MCUR1: variants seen among roughly 807,000 people sequenced by gnomAD.
MCUR1 encodes MCU regulator 1.
A neutral mutation model predicts 42.0 loss-of-function variants in MCUR1; 37 were observed. The ratio of observed to expected loss-of-function variants is 0.88; its 90% CI spans 0.68 to 1.16. The LOEUF is 1.16. MCUR1 is among the 50% of genes most tolerant of loss of function. The pLI, the probability that MCUR1 is intolerant of heterozygous loss-of-function variation, is 0.00. For missense variants in MCUR1, 469 were observed against 468.4 expected (o/e 1.00, Z -0.01); for synonymous variants, 229 against 196.2 (o/e 1.17, Z -1.40).
intron 1 of MCUR1, among the ~76,000 whole-genome samples, chr6:13,811,341 A>ATT (rs1024492460): frequency 6.8e-6 from 1 of 147,424 alleles, no homozygotes; most frequent in Non-Finnish European, 1.5e-5. Flanking sequence ...GCTAGGAATA[A>ATT]TTTTTTTTTT....
intron 6 of MCUR1, among the ~76,000 whole-genome samples, chr6:13,796,436 C>A (rs557093266): frequency 3.7e-4 from 56 of 151,960 alleles, no homozygotes; most frequent in African/African-American, 1.3e-3. Flanking sequence ...TACAGGTGGG[C>A]CATCACGCTG....
intron 8 of MCUR1, 127 bp from the exon 9 acceptor site, chr6:13,790,991 C>A (rs1759718367): frequency 3.3e-6 from 2 of 605,226 alleles, no homozygotes; most frequent in Non-Finnish European, 5.8e-6. Flanking sequence ...GTCCCATATT[C>A]CGTGAAACGC....
chr6:13,795,841 T>C (rs1006626763), intron 6 of MCUR1, among the ~76,000 whole-genome samples: 1 of 151,902 alleles, frequency 6.6e-6, no homozygotes, highest in African/African-American at 2.4e-5. Flanking sequence ...CTAAATAACG[T>C]CTTCATGTAA....
At chr6:13,802,447 C>G (rs1041506553) in intron 2 of MCUR1, 101 bp from the exon 3 acceptor site, 6 of 898,472 alleles carry the variant, frequency 6.7e-6, no homozygotes, top group Non-Finnish European at 8.9e-6. Context: ...AGGAAGAGTA[C>G]AGCACAGTGT....
In MCUR1 at chr6:13,800,334, A is replaced by C. The variant is rs1275409767; in HGVS notation, c.783+7T>G. Reference sequence around the variant, plus strand: ...AACCAGCCAACAAACAGGAAAGTGAATCTTACCATTACTTGTTGTTTTAAC... The same window carrying C: ...AACCAGCCAACAAACAGGAAAGTGACTCTTACCATTACTTGTTGTTTTAAC... On this transcript the variant is annotated splice_region_variant and intron_variant, in intron 5 of 8. Transcript: ENST00000379170. 1.3e-6 allele frequency: 2 copies of C among 1,562,546 alleles called. No homozygotes were observed. The highest frequency in any genetic ancestry group is 3.7e-5 in the Admixed American group (2 of 54,414).
At chr6:13,797,537 T>C (rs555756734) in intron 6 of MCUR1, among the ~76,000 whole-genome samples, 1 of 151,230 alleles carries the variant, frequency 6.6e-6, no homozygotes, top group African/African-American at 2.4e-5. Flanking sequence ...TGAAACCCCG[T>C]CTCTACTAAA....
Position 13,803,683 on chromosome 6 carries a change from A to G in MCUR1, c.536-1337T>C, listed in dbSNP as rs574736040. 7.0e-5 allele frequency: 48 copies of G among 689,018 alleles called. No homozygotes were observed. The African/African-American group carries it at 2.3e-3, about 33-fold the overall frequency. 42.7% of individuals were successfully genotyped at this position (689,018 alleles called of 1,614,324 possible). On this transcript the variant is annotated intron_variant, in intron 2 of 8. Coordinates refer to ENST00000379170, the MANE Select transcript of MCUR1 (RefSeq NM_001031713.4). ...TTTCGTCAAAATTCTTTAATTTTTC[A>G]ACATGTTATACACATGTCTAGAAAA...
intron 1 of MCUR1, among the ~76,000 whole-genome samples, chr6:13,811,288 T>C (rs763547271): frequency 9.9e-5 from 15 of 152,162 alleles, no homozygotes; most frequent in Non-Finnish European, 1.8e-4. Flanking sequence ...GTCTTGCTCA[T>C]TTTTTATCTT....
At chr6:13,801,562 A>G (rs941056078) in intron 3 of MCUR1, among the ~76,000 whole-genome samples, 173 bp from the exon 4 acceptor site, 1 of 152,158 alleles carries the variant, frequency 6.6e-6, no homozygotes, top group African/African-American at 2.4e-5. Flanking sequence ...AAAACAACAC[A>G]TATCTGGCCA....
At position 13,788,002 on chromosome 6, in the gene MCUR1, C is replaced by G. The variant is rs963171743; in HGVS notation, c.*2807G>C. ...GGTTCATGCAATTTTCCTGTCTCAG[C>G]CTCCCGAGTAGCTAGGATTACAGGG... On this transcript the variant is annotated 3_prime_UTR_variant, in exon 9 of 9. Coordinates refer to ENST00000379170, the MANE Select transcript of MCUR1 (RefSeq NM_001031713.4). The G allele has an allele frequency of 2.0e-5, 3 of 152,242 alleles. No individual in the cohort carries two copies. The highest frequency in any genetic ancestry group is 4.4e-5 in the Non-Finnish European group (3 of 68,110). 9.4% of individuals were successfully genotyped at this position (152,242 alleles called of 1,614,324 possible).
intron 2 of MCUR1, chr6:13,803,986 T>A (rs12660677): frequency 0.027 from 26,210 of 959,918 alleles, 1,718 homozygotes; most frequent in East Asian, 0.24. Context: ...AATAAAATTT[T>A]AAAAAATTTT....
chr6:13,802,130 G>C lies in MCUR1; in HGVS notation c.639+113C>G, dbSNP rs1342037615. The C allele has an allele frequency of 7.2e-6, 5 of 691,536 alleles. No individual in the cohort carries two copies. The African/African-American group carries it at 7.2e-5, about 10-fold the overall frequency. 42.8% of individuals were successfully genotyped at this position (691,536 alleles called of 1,614,324 possible). ...CTTTTGCCTCTTAATCATGGTAAAA[G>C]TTACTATATACTTTTCAACGGGGTA... On this transcript the variant is annotated intron_variant, in intron 3 of 8. Coordinates refer to ENST00000379170, the MANE Select transcript of MCUR1 (RefSeq NM_001031713.4).
In MCUR1 at chr6:13,802,303, G is replaced by T; in HGVS notation, c.579C>A (p.Val193=). 1 of 1,613,738 alleles carries T rather than the reference G, an allele frequency of 6.2e-7. No homozygotes were observed. The highest frequency in any genetic ancestry group is 1.1e-5 in the South Asian group (1 of 91,002). Reference sequence around the variant, plus strand: ...TGTCCATGTTGGCCTCCAGGATCTTGACCAATGCAGACACAATGATTTCTG... The same window carrying T: ...TGTCCATGTTGGCCTCCAGGATCTTTACCAATGCAGACACAATGATTTCTG... ...QQAEIIVSAL[V]KILEANMDIV... Residue 193 remains valine (V), a synonymous_variant, in exon 3 of 9, where the codon GTC becomes GTA. Transcript: ENST00000379170.
In MCUR1 at chr6:13,801,277, CT is replaced by C. The variant is rs752813847; in HGVS notation, c.741+10del. 2.6e-5 allele frequency: 41 copies of C among 1,556,068 alleles called. No homozygotes were observed. The highest frequency in any genetic ancestry group is 3.5e-5 in the Non-Finnish European group (39 of 1,129,426). ...TAATCAACTTTCTAAGTGTGAGAGG[CT>C]CTGTTTTACCTCATTTTCTGCTCTG... On this transcript the variant is annotated intron_variant, in intron 4 of 8. Transcript: ENST00000379170.
In MCUR1 at chr6:13,797,697, G is replaced by C. The variant is rs1236411458; in HGVS notation, c.855+1136C>G. ...CACTCCAGCCTGGGTGACAGAGCGA[G>C]ACTCCGCCTCAAACAAAAACAAAGA... On this transcript the variant is annotated intron_variant, in intron 6 of 8. Coordinates refer to ENST00000379170, the MANE Select transcript of MCUR1 (RefSeq NM_001031713.4). Among the ~76,000 whole-genome samples the C allele has an allele frequency of 2.1e-5, 3 of 145,730 alleles. No individual in the cohort carries two copies. The East Asian group carries it at 6.2e-4, about 30-fold the overall frequency.
chr6:13,793,125 CA>C (rs781438643), intron 7 of MCUR1, among the ~76,000 whole-genome samples: 29,877 of 87,740 alleles, frequency 0.34, 2,544 homozygotes, highest in Middle Eastern at 0.49. Context: ...GACCCCACCT[CA>C]AAAAAAAAAA....
chr6:13,800,453 A>G, intron 4 of MCUR1, 71 bp from the exon 5 acceptor site: 1 of 825,492 alleles, frequency 1.2e-6, no homozygotes, highest in Non-Finnish European at 1.9e-6. Flanking sequence ...ATATTACAAT[A>G]CATATTTATG....
chr6:13,801,025 C>G (rs1374499723), intron 4 of MCUR1, among the ~76,000 whole-genome samples: 1 of 152,024 alleles, frequency 6.6e-6, no homozygotes, highest in Non-Finnish European at 1.5e-5. Context: ...CAGTATGATA[C>G]CATCAAATGG....
intron 8 of MCUR1, among the ~76,000 whole-genome samples, chr6:13,791,224 A>G (rs1020107280): frequency 6.6e-6 from 1 of 152,214 alleles, no homozygotes; most frequent in South Asian, 2.1e-4. Flanking sequence ...TGTAGAGACT[A>G]GGTCTCGCTG....
Sources: allele counts gnomAD v4.1 joint callset (sites outside exome capture counted in the v4.1 genomes callset), GRCh38; gene constraint gnomAD v4.1.1; transcripts MANE v1.5; gene names NCBI Gene and HGNC (gene_info 2026-07-23, HGNC 2026-07-21).